Variants in NTNG1 observed in about 807,000 individuals in gnomAD.
NTNG1 encodes netrin G1, also known as netrin-G1.
NTNG1 carries 16 observed loss-of-function variants against 54.0 expected under a neutral mutation model. The observed-to-expected ratio is 0.30, with a 90% CI of 0.20 to 0.45. NTNG1 has a LOEUF of 0.45. NTNG1 is among the 20% of genes least tolerant of loss of function. The pLI is 1.00. For missense variants in NTNG1, 530 were observed against 678.7 expected (o/e 0.78, Z 2.43); for synonymous variants, 255 against 263.1 (o/e 0.97, Z 0.30).
chr1:107,395,127 T>G (rs1236871799), intron 3 of NTNG1, 27 bp from the exon 4 acceptor site: 1 of 1,595,928 alleles, frequency 6.3e-7, no homozygotes, highest in Admixed American at 1.7e-5. Flanking sequence ...TATCTGACAA[T>G]GAACTCTTTG....
intron 2 of NTNG1, among the ~76,000 whole-genome samples, chr1:107,160,684 A>T (rs145733970): frequency 1.6e-3 from 245 of 152,024 alleles, no homozygotes; most frequent in African/African-American, 5.4e-3. Flanking sequence ...TTCCTATCTA[A>T]TCTGGCTCCT....
At position 107,185,952 on chromosome 1, in the gene NTNG1, C is replaced by T. The variant is rs558445093; in HGVS notation, c.246+37113C>T. 5.3e-5 allele frequency among the ~76,000 whole-genome samples: 8 copies of T among 152,164 alleles called. No homozygotes were observed. The South Asian group carries it at 8.3e-4, about 16-fold the overall frequency. ...ATATTCCATAGTGGTGAAGCTTGGGCTTTTAGTGCAACCAGCACCCAAATA... is the reference window on the plus strand; with the variant it reads ...ATATTCCATAGTGGTGAAGCTTGGGTTTTTAGTGCAACCAGCACCCAAATA... On this transcript the variant is annotated intron_variant, in intron 2 of 7. Transcript: ENST00000370068.
chr1:107,480,575 C>CCCCCCAAG, intron 7 of NTNG1, 36 bp from the exon 8 acceptor site: 1 of 512,238 alleles, frequency 2.0e-6, no homozygotes, highest in African/African-American at 1.9e-5. Flanking sequence ...CTCCTCCCCG[C>CCCCCCAAG]GCCCACCCAC....
At chr1:107,285,485 G>T (rs1328530594) in intron 2 of NTNG1, among the ~76,000 whole-genome samples, 3 of 152,108 alleles carry the variant, frequency 2.0e-5, no homozygotes, top group Admixed American at 6.6e-5. Context: ...TGAGAGCTAA[G>T]ATGTGCATGA....
At chr1:107,266,313 T>G (rs1663733343) in intron 2 of NTNG1, among the ~76,000 whole-genome samples, 1 of 152,026 alleles carries the variant, frequency 6.6e-6, no homozygotes, top group Admixed American at 6.6e-5. Context: ...GAAAATAGAT[T>G]TAATTGGCTC....
chr1:107,379,763 C>A (rs1465269683), intron 3 of NTNG1, among the ~76,000 whole-genome samples: 2 of 152,064 alleles, frequency 1.3e-5, no homozygotes, highest in Non-Finnish European at 2.9e-5. Context: ...CTGTTAAAAT[C>A]CAGTTTTACA....
intron 2 of NTNG1, among the ~76,000 whole-genome samples, chr1:107,242,742 C>T (rs12146111): frequency 0.18 from 27,359 of 152,110 alleles, 3,336 homozygotes; most frequent in African/African-American, 0.35. Context: ...TCTCTCCACT[C>T]GACCACCTCC....
intron 2 of NTNG1, among the ~76,000 whole-genome samples, chr1:107,275,377 AAAAAATAAATAAAT>A (rs1664399379): frequency 1.3e-5 from 2 of 152,156 alleles, no homozygotes; most frequent in Non-Finnish European, 2.9e-5. Flanking sequence ...TCCGTCTCAA[AAAAAATAAATAAAT>A]AAAAATAAAT....
intron 2 of NTNG1, among the ~76,000 whole-genome samples, chr1:107,180,178 A>G (rs1017173809): frequency 6.6e-6 from 1 of 152,110 alleles, no homozygotes; most frequent in Middle Eastern, 3.2e-3. Context: ...ATAAAAATGT[A>G]TTCGTGTTCC....
At chr1:107,238,594 AT>A (rs2101567998) in intron 2 of NTNG1, among the ~76,000 whole-genome samples, 2 of 152,254 alleles carry the variant, frequency 1.3e-5, no homozygotes, top group East Asian at 3.9e-4. Context: ...TAAATGAATC[AT>A]TGGGGCAAGT....
intron 2 of NTNG1, among the ~76,000 whole-genome samples, chr1:107,255,505 A>G (rs1028698101): frequency 8.5e-5 from 13 of 152,204 alleles, no homozygotes; most frequent in Non-Finnish European, 1.9e-4. Flanking sequence ...GGCCTTTTTG[A>G]TTAAGTTCTT....
At chr1:107,473,854 C>T (rs1678139288) in intron 7 of NTNG1, among the ~76,000 whole-genome samples, 1 of 152,210 alleles carries the variant, frequency 6.6e-6, no homozygotes. Context: ...CACACTTCAT[C>T]TTTTGGCCAC....
At chr1:107,290,943 T>G (rs1313779337) in intron 2 of NTNG1, among the ~76,000 whole-genome samples, 2 of 143,642 alleles carry the variant, frequency 1.4e-5, no homozygotes, top group Non-Finnish European at 3.0e-5. Flanking sequence ...TGGAGATATT[T>G]TAAAGTGCAT....
At chr1:107,258,067 C>A (rs1663041010) in intron 2 of NTNG1, among the ~76,000 whole-genome samples, 1 of 152,124 alleles carries the variant, frequency 6.6e-6, no homozygotes, top group Non-Finnish European at 1.5e-5. Flanking sequence ...ATGAAAGACA[C>A]TCTAGGGTTA....
chr1:107,390,916 GC>G (rs1672318413), intron 3 of NTNG1, among the ~76,000 whole-genome samples: 1 of 152,136 alleles, frequency 6.6e-6, no homozygotes, highest in South Asian at 2.1e-4. Context: ...GTTTTATTAT[GC>G]AACCAGCCTT....
intron 3 of NTNG1, among the ~76,000 whole-genome samples, chr1:107,382,202 A>G (rs1371512104): frequency 6.6e-6 from 1 of 152,192 alleles, no homozygotes; most frequent in African/African-American, 2.4e-5. Flanking sequence ...TGCAAAAGCT[A>G]CAGCATGCAA....
intron 2 of NTNG1, among the ~76,000 whole-genome samples, chr1:107,308,403 T>C (rs999771999): frequency 6.6e-6 from 1 of 152,186 alleles, no homozygotes; most frequent in African/African-American, 2.4e-5. Flanking sequence ...GTTTATTCAA[T>C]AGGGAGTCCT....
chr1:107,291,842 T>A (rs1665625071), intron 2 of NTNG1, among the ~76,000 whole-genome samples: 1 of 152,204 alleles, frequency 6.6e-6, no homozygotes. Context: ...ATTTAAACTC[T>A]GTTACATCAA....
intron 3 of NTNG1, among the ~76,000 whole-genome samples, chr1:107,388,326 C>T (rs938486309): frequency 6.6e-6 from 1 of 152,220 alleles, no homozygotes; most frequent in Non-Finnish European, 1.5e-5. Context: ...TTTGAAACCC[C>T]TCCATTTCTT....
Sources: allele counts gnomAD v4.1 joint callset (sites outside exome capture counted in the v4.1 genomes callset), GRCh38; gene constraint gnomAD v4.1.1; transcripts MANE v1.5; gene names NCBI Gene and HGNC (gene_info 2026-07-23, HGNC 2026-07-21).